INPP4B: variants seen among roughly 807,000 people sequenced by gnomAD.
The protein encoded by INPP4B is inositol polyphosphate 4-phosphatase type II.
A neutral mutation model predicts 122.5 loss-of-function variants in INPP4B; 55 were observed. The ratio of observed to expected loss-of-function variants is 0.45; its 90% CI spans 0.36 to 0.56. The LOEUF (loss-of-function observed/expected upper bound fraction) is 0.56. Ranked by LOEUF, INPP4B falls within the 20% of genes least tolerant of loss-of-function variation. The probability of loss-of-function intolerance (pLI) is 0.00; values close to 1 mark genes in which losing one functional copy is unlikely to be tolerated. For missense variants in INPP4B, 1,000 were observed against 1,097.7 expected (o/e 0.91, Z 1.26); for synonymous variants, 403 against 388.7 (o/e 1.04, Z -0.43).
intron 1 of INPP4B, chr4:142,767,947 C>T (rs1036331127): frequency 6.6e-6 from 1 of 152,288 alleles, no homozygotes; most frequent in East Asian, 1.9e-4. Context: ...AAGGCCTGAA[C>T]AGGCAGACTG....
intron 2 of INPP4B, among the ~76,000 whole-genome samples, chr4:142,684,355 GA>G (rs1157059702): frequency 2.6e-5 from 4 of 152,008 alleles, no homozygotes; most frequent in African/African-American, 9.7e-5. Flanking sequence ...ACTCAACATA[GA>G]AAAGTCAAAA....
intron 10 of INPP4B, among the ~76,000 whole-genome samples, chr4:142,260,784 A>G (rs775342722): frequency 6.6e-6 from 1 of 152,196 alleles, no homozygotes; most frequent in East Asian, 1.9e-4. Context: ...AGATAATTGT[A>G]GAGGGTACTC....
At chr4:142,154,427 C>T (rs965213329) in intron 17 of INPP4B, among the ~76,000 whole-genome samples, 6 of 152,162 alleles carry the variant, frequency 3.9e-5, no homozygotes, top group African/African-American at 1.4e-4. Flanking sequence ...CTGTGTCTAT[C>T]TTGAATTTTA....
intron 9 of INPP4B, among the ~76,000 whole-genome samples, chr4:142,302,271 C>T (rs1465058305): frequency 1.3e-5 from 2 of 152,092 alleles, no homozygotes; most frequent in African/African-American, 2.4e-5. Context: ...CTGTAAGCCT[C>T]GGCACGGTGG....
chr4:142,647,732 A>C (rs1303299555), intron 2 of INPP4B, among the ~76,000 whole-genome samples: 1 of 152,252 alleles, frequency 6.6e-6, no homozygotes, highest in African/African-American at 2.4e-5. Context: ...AGTCAGCTGA[A>C]GCAAATTACT....
chr4:142,142,829 C>T (rs1446917995), intron 18 of INPP4B, among the ~76,000 whole-genome samples: 1 of 152,048 alleles, frequency 6.6e-6, no homozygotes, highest in African/African-American at 2.4e-5. Context: ...ATGGTAATTA[C>T]TCTGATGTTG....
At chr4:142,175,215 A>T (rs1013379328) in intron 15 of INPP4B, among the ~76,000 whole-genome samples, 1 of 152,136 alleles carries the variant, frequency 6.6e-6, no homozygotes, top group Non-Finnish European at 1.5e-5. Context: ...TTATCAGCTC[A>T]ATTATTTAAA....
chr4:142,561,451 C>A (rs945110520), intron 2 of INPP4B, among the ~76,000 whole-genome samples: 1 of 151,978 alleles, frequency 6.6e-6, no homozygotes, highest in African/African-American at 2.4e-5. Context: ...CGGAGTCTTG[C>A]TCTGTTGCCC....
intron 2 of INPP4B, among the ~76,000 whole-genome samples, chr4:142,567,334 A>T (rs1355899982): frequency 6.6e-6 from 1 of 152,198 alleles, no homozygotes; most frequent in East Asian, 1.9e-4. Flanking sequence ...CCGAGAGCAC[A>T]GCTGCCCTGA....
At chr4:142,335,108 GAAAAA>G (rs36074851) in intron 7 of INPP4B, among the ~76,000 whole-genome samples, 9 of 65,164 alleles carry the variant, frequency 1.4e-4, no homozygotes, top group African/African-American at 4.0e-4. Flanking sequence ...TGGGAAAAAT[GAAAAA>G]AAAAAAAAAA....
intron 15 of INPP4B, among the ~76,000 whole-genome samples, chr4:142,185,237 A>G (rs970276208): frequency 2.6e-5 from 4 of 152,100 alleles, no homozygotes; most frequent in Non-Finnish European, 5.9e-5. Flanking sequence ...GGATGGTCAT[A>G]CCTTTTTATT....
chr4:142,156,954 C>T (rs1817536822), intron 17 of INPP4B, among the ~76,000 whole-genome samples: 1 of 152,050 alleles, frequency 6.6e-6, no homozygotes, highest in African/African-American at 2.4e-5. Context: ...ACAAAAAATG[C>T]TTAATGGAAT....
intron 7 of INPP4B, chr4:142,317,275 C>T: frequency 2.7e-6 from 1 of 365,510 alleles, no homozygotes. Context: ...ACTACCAAAA[C>T]CGCAGAGGAG....
At chr4:142,630,098 C>T (rs1352370461) in intron 2 of INPP4B, among the ~76,000 whole-genome samples, 1 of 152,086 alleles carries the variant, frequency 6.6e-6, no homozygotes, top group South Asian at 2.1e-4. Context: ...GTAAGCCCAA[C>T]GCGATCAGTA....
chr4:142,029,299 G>C (rs1048033830), intron 25 of INPP4B: 27 of 985,910 alleles, frequency 2.7e-5, no homozygotes, highest in Middle Eastern at 5.2e-4. Flanking sequence ...TAAGGATGCA[G>C]GTTCTAGAAA....
chr4:142,530,472 G>A (rs1827457716), intron 2 of INPP4B, among the ~76,000 whole-genome samples: 1 of 151,302 alleles, frequency 6.6e-6, no homozygotes, highest in African/African-American at 2.4e-5. Flanking sequence ...ACATTTCAGT[G>A]GAAGGAAAAA....
chr4:142,749,987 C>T (rs1270794835), intron 1 of INPP4B, among the ~76,000 whole-genome samples: 1 of 151,926 alleles, frequency 6.6e-6, no homozygotes, highest in African/African-American at 2.4e-5. Context: ...TAATTCACCA[C>T]CTCATGGCTA....
In INPP4B at chr4:142,276,577, G is replaced by T. The variant is rs139799079; in HGVS notation, c.504-5803C>A. On this transcript the variant is annotated intron_variant, in intron 9 of 25. Coordinates refer to ENST00000262992, the MANE Select transcript of INPP4B (RefSeq NM_001101669.3). ...AGATTTTCCAGCTATAAAATATAAA[G>T]ATTGTAAACCATCCTACTTATCTCA... Among the ~76,000 whole-genome samples, 411 of 152,020 alleles carry T rather than the reference G, an allele frequency of 2.7e-3. 1 individual carries two copies. Among genetic ancestry groups the T allele is most frequent in the African/African-American group, 9.5e-3 (395 of 41,532 alleles).
intron 2 of INPP4B, among the ~76,000 whole-genome samples, chr4:142,492,784 C>T (rs928937923): frequency 6.6e-6 from 1 of 152,184 alleles, no homozygotes; most frequent in Non-Finnish European, 1.5e-5. Context: ...AAGAAAACCA[C>T]ATTTTCTGGG....
Sources: allele counts gnomAD v4.1 joint callset (sites outside exome capture counted in the v4.1 genomes callset), GRCh38; gene constraint gnomAD v4.1.1; transcripts MANE v1.5; gene names NCBI Gene and HGNC (gene_info 2026-07-23, HGNC 2026-07-21).